Variants in FHIT observed in about 807,000 individuals in gnomAD.
FHIT encodes fragile histidine triad diadenosine triphosphatase, also known as bis(5'-adenosyl)-triphosphatase.
Under a neutral mutation model 17.9 loss-of-function variants are expected in FHIT, and 19 were observed. That is an observed-to-expected ratio of 1.06 (90% CI 0.74 to 1.56). The LOEUF is 1.56. Ranked by LOEUF, FHIT falls within the 40% of genes most tolerant of loss-of-function variation. The pLI is 0.00. For synonymous variants in FHIT, 81 were observed against 69.7 expected (o/e 1.16, Z -0.81); for missense variants, 248 against 189.2 (o/e 1.31, Z -1.82).
At chr3:60,473,981 TG>T (rs2107455701) in intron 5 of FHIT, among the ~76,000 whole-genome samples, 1 of 151,534 alleles carries the variant, frequency 6.6e-6, no homozygotes, top group Non-Finnish European at 1.5e-5. Context: ...TGGAGATGTA[TG>T]GGGGAAAGAC....
At chr3:60,201,605 A>G (rs926787060) in intron 5 of FHIT, among the ~76,000 whole-genome samples, 1 of 152,168 alleles carries the variant, frequency 6.6e-6, no homozygotes, top group Admixed American at 6.5e-5. Context: ...TCATTCATAC[A>G]TATTTATTTT....
chr3:60,049,307 T>A (rs920741720), intron 5 of FHIT, among the ~76,000 whole-genome samples: 1 of 152,208 alleles, frequency 6.6e-6, no homozygotes, highest in Admixed American at 6.5e-5. Flanking sequence ...TAGTAGCCAC[T>A]AGCCACATGC....
intron 2 of FHIT, among the ~76,000 whole-genome samples, chr3:61,130,166 A>C (rs543871613): frequency 6.6e-6 from 1 of 152,310 alleles, no homozygotes; most frequent in South Asian, 2.1e-4. Flanking sequence ...GAAGTAATGC[A>C]AGTCATAAAA....
chr3:60,518,269 A>G (rs551895774), intron 5 of FHIT, among the ~76,000 whole-genome samples: 1 of 152,318 alleles, frequency 6.6e-6, no homozygotes, highest in Admixed American at 6.5e-5. Context: ...TTAATTCGTA[A>G]AAGATCTCTA....
At chr3:59,892,741 A>G (rs964595282) in intron 8 of FHIT, among the ~76,000 whole-genome samples, 8 of 152,210 alleles carry the variant, frequency 5.3e-5, no homozygotes, top group African/African-American at 1.9e-4. Context: ...TATAATTTAG[A>G]TGGGGATGGG....
At chr3:60,772,030 A>G (rs1282931422) in intron 4 of FHIT, among the ~76,000 whole-genome samples, 2 of 152,198 alleles carry the variant, frequency 1.3e-5, no homozygotes, top group Non-Finnish European at 2.9e-5. Context: ...AGTGTTGGAA[A>G]GAGAAGAACA....
intron 3 of FHIT, among the ~76,000 whole-genome samples, chr3:60,938,461 A>G (rs370644511): frequency 6.6e-6 from 1 of 152,288 alleles, no homozygotes; most frequent in East Asian, 1.9e-4. Context: ...CCAACATATA[A>G]AACCAGAATG....
chr3:59,868,870 T>G (rs1702780354), intron 8 of FHIT, among the ~76,000 whole-genome samples: 1 of 152,132 alleles, frequency 6.6e-6, no homozygotes, highest in South Asian at 2.1e-4. Flanking sequence ...TTCCTATTGT[T>G]CATATATAAA....
chr3:60,111,655 C>G (rs534691265), intron 5 of FHIT, among the ~76,000 whole-genome samples: 17 of 152,242 alleles, frequency 1.1e-4, no homozygotes, highest in African/African-American at 3.9e-4. Flanking sequence ...GTGTTTTTGT[C>G]CAAAAGGAAC....
At chr3:60,308,927 G>T (rs1015223591) in intron 5 of FHIT, among the ~76,000 whole-genome samples, 1 of 152,012 alleles carries the variant, frequency 6.6e-6, no homozygotes, top group African/African-American at 2.4e-5. Context: ...TCCACAGCTG[G>T]GGCCACTTTA....
intron 8 of FHIT, among the ~76,000 whole-genome samples, chr3:59,779,782 C>G (rs547660616): frequency 6.6e-6 from 1 of 152,304 alleles, no homozygotes; most frequent in Admixed American, 6.5e-5. Flanking sequence ...CAGTAGACAA[C>G]AGAGCCAGTT....
intron 5 of FHIT, among the ~76,000 whole-genome samples, chr3:60,308,470 G>A (rs561465438): frequency 1.9e-3 from 230 of 121,708 alleles, no homozygotes; most frequent in African/African-American, 6.7e-3. Context: ...CAAATTGCAC[G>A]TATAGGTATA....
At chr3:59,790,262 T>C (rs12638903) in intron 8 of FHIT, among the ~76,000 whole-genome samples, 7,978 of 152,206 alleles carry the variant, frequency 0.052, 368 homozygotes, top group East Asian at 0.16. Context: ...AATTGCTTCA[T>C]AGGAGGAAAT....
At chr3:60,190,140 C>G (rs892176382) in intron 5 of FHIT, among the ~76,000 whole-genome samples, 8 of 152,156 alleles carry the variant, frequency 5.3e-5, no homozygotes, top group African/African-American at 1.9e-4. Context: ...ATACCACAAT[C>G]TTAAACAGAC....
At chr3:60,169,602 C>G (rs1701329611) in intron 5 of FHIT, among the ~76,000 whole-genome samples, 1 of 152,164 alleles carries the variant, frequency 6.6e-6, no homozygotes, top group Non-Finnish European at 1.5e-5. Context: ...CCCATGTTCC[C>G]CTTTCAAAGG....
At chr3:59,988,067 T>C (rs1464085488) in intron 7 of FHIT, among the ~76,000 whole-genome samples, 4 of 152,080 alleles carry the variant, frequency 2.6e-5, no homozygotes, top group Admixed American at 6.6e-5. Flanking sequence ...GGGAGGTTTA[T>C]AGGGAATGCG....
chr3:60,130,099 G>A (rs1350990349), intron 5 of FHIT, among the ~76,000 whole-genome samples: 1 of 152,040 alleles, frequency 6.6e-6, no homozygotes, highest in Non-Finnish European at 1.5e-5. Flanking sequence ...TCTTTCCCAT[G>A]GAATCAATTC....
intron 3 of FHIT, among the ~76,000 whole-genome samples, chr3:60,880,776 G>A (rs1704933272): frequency 6.6e-6 from 1 of 152,002 alleles, no homozygotes; most frequent in Non-Finnish European, 1.5e-5. Context: ...CTCACTAGTA[G>A]AGCAGATACA....
intron 5 of FHIT, among the ~76,000 whole-genome samples, chr3:60,169,166 G>A (rs142649218): frequency 6.6e-6 from 1 of 152,304 alleles, no homozygotes; most frequent in African/African-American, 2.4e-5. Flanking sequence ...GAAAGAACGT[G>A]CCAATACGTC....
Sources: gnomAD v4.1 joint callset for allele counts (sites outside exome capture counted in the v4.1 genomes callset) on GRCh38, gnomAD v4.1.1 for gene constraint, MANE v1.5 for transcripts, NCBI Gene and HGNC (gene_info 2026-07-23, HGNC 2026-07-21) for gene names.